The following FHIT variants were observed in gnomAD, a reference collection of about 807,000 sequenced individuals.
FHIT encodes the protein bis(5'-adenosyl)-triphosphatase.
In FHIT, 19 loss-of-function variants were observed where a neutral mutation model predicts 17.9. That is an observed-to-expected ratio of 1.06 (90% CI 0.74 to 1.56). The LOEUF (loss-of-function observed/expected upper bound fraction) is 1.56, where lower values mean the gene tolerates loss of function less well. Ranked by LOEUF, FHIT falls within the 40% of genes most tolerant of loss-of-function variation. The pLI is 0.00. For missense variants in FHIT, 248 were observed against 189.2 expected, an observed-to-expected ratio of 1.31 and a Z score of -1.82; for synonymous variants, 81 against 69.7, an observed-to-expected ratio of 1.16 and a Z score of -0.81.
chr3:60,190,810 G>A (rs571176508), intron 5 of FHIT, among the ~76,000 whole-genome samples: 82 of 152,230 alleles, frequency 5.4e-4, no homozygotes, highest in African/African-American at 1.9e-3. Context: ...GGGCATGGTA[G>A]TGCACACGTG....
chr3:60,582,492 C>A (rs954538802), intron 4 of FHIT, among the ~76,000 whole-genome samples: 1 of 152,056 alleles, frequency 6.6e-6, no homozygotes, highest in South Asian at 2.1e-4. Context: ...CACTGGAGGG[C>A]AGTCTCCTCT....
At chr3:61,096,617 G>T (rs2035647310) in intron 2 of FHIT, among the ~76,000 whole-genome samples, 1 of 152,166 alleles carries the variant, frequency 6.6e-6, no homozygotes, top group South Asian at 2.1e-4. Context: ...TGTGGAGGAA[G>T]CCTGGGCTGC....
chr3:60,247,954 G>A (rs1426176032), intron 5 of FHIT, among the ~76,000 whole-genome samples: 2 of 152,060 alleles, frequency 1.3e-5, no homozygotes, highest in Non-Finnish European at 1.5e-5. Flanking sequence ...TTTTTAAATC[G>A]ATAAGCACAT....
chr3:60,094,134 C>T (rs1389807350), intron 5 of FHIT, among the ~76,000 whole-genome samples: 1 of 152,102 alleles, frequency 6.6e-6, no homozygotes, highest in Non-Finnish European at 1.5e-5. Context: ...AGTGAAGTTT[C>T]TAAGAGAATC....
At chr3:59,949,273 T>G (rs1461863213) in intron 7 of FHIT, among the ~76,000 whole-genome samples, 1 of 152,248 alleles carries the variant, frequency 6.6e-6, no homozygotes, top group Non-Finnish European at 1.5e-5. Flanking sequence ...TTTACAAATT[T>G]TCACATAGGA....
intron 4 of FHIT, among the ~76,000 whole-genome samples, chr3:60,558,370 T>A (rs1336304574): frequency 6.6e-6 from 1 of 151,682 alleles, no homozygotes; most frequent in Non-Finnish European, 1.5e-5. Flanking sequence ...ATGCCTGAAG[T>A]AGGGTTGCTC....
intron 8 of FHIT, among the ~76,000 whole-genome samples, chr3:59,761,312 G>T (rs1174144403): frequency 6.6e-6 from 1 of 152,134 alleles, no homozygotes; most frequent in African/African-American, 2.4e-5. Flanking sequence ...ACATTGCCCA[G>T]TCAGAGTAAC....
intron 8 of FHIT, among the ~76,000 whole-genome samples, chr3:59,916,226 G>C (rs1388131495): frequency 2.6e-5 from 4 of 152,158 alleles, no homozygotes; most frequent in African/African-American, 9.6e-5. Context: ...TCTTTCCCCT[G>C]TGCTGGATTC....
intron 5 of FHIT, among the ~76,000 whole-genome samples, chr3:60,447,139 G>T (rs759950328): frequency 3.3e-5 from 5 of 151,912 alleles, no homozygotes; most frequent in Admixed American, 3.3e-4. Context: ...GTGGACTCCC[G>T]GCTCAGCACT....
chr3:60,525,637 A>G (rs1395639782), intron 5 of FHIT, among the ~76,000 whole-genome samples: 6 of 152,116 alleles, frequency 3.9e-5, no homozygotes, highest in Non-Finnish European at 8.8e-5. Context: ...ATAATTGTAA[A>G]TCTCTCCATT....
chr3:61,063,334 T>G lies in FHIT; in HGVS notation c.-163-21235A>C, dbSNP rs549589362. 6.0e-4 allele frequency among the ~76,000 whole-genome samples: 91 copies of G among 152,174 alleles called. 1 individual carries two copies. The highest frequency in any genetic ancestry group is 2.1e-3 in the African/African-American group (87 of 41,530). ...CACATCGGGTAGGTTCCATTATTATTTAATTCTGCAGATGTGAATACAAGG... is the reference window on the plus strand; with the variant it reads ...CACATCGGGTAGGTTCCATTATTATGTAATTCTGCAGATGTGAATACAAGG... On this transcript the variant is annotated intron_variant, in intron 2 of 9. Transcript: ENST00000492590.
At chr3:60,088,220 AC>A (rs1435316298) in intron 5 of FHIT, among the ~76,000 whole-genome samples, 6 of 151,668 alleles carry the variant, frequency 4.0e-5, no homozygotes, top group African/African-American at 1.5e-4. Context: ...TCTATTCATG[AC>A]GGATCTGCCT....
intron 4 of FHIT, among the ~76,000 whole-genome samples, chr3:60,576,565 A>T (rs2037572009): frequency 6.6e-6 from 1 of 152,200 alleles, no homozygotes; most frequent in Admixed American, 6.6e-5. Flanking sequence ...TTGTTTCGAA[A>T]GGTCTGTGGT....
At chr3:60,087,140 G>A (rs948466220) in intron 5 of FHIT, among the ~76,000 whole-genome samples, 1 of 152,188 alleles carries the variant, frequency 6.6e-6, no homozygotes, top group Non-Finnish European at 1.5e-5. Flanking sequence ...AGCTATATCT[G>A]GGGCCATTTG....
intron 3 of FHIT, among the ~76,000 whole-genome samples, chr3:60,865,314 C>T (rs150023270): frequency 2.5e-3 from 384 of 152,222 alleles, no homozygotes; most frequent in Non-Finnish European, 4.1e-3. Flanking sequence ...TTTATTTTCT[C>T]AGTCCCATTA....
chr3:60,229,979 C>T (rs1704413179), intron 5 of FHIT, among the ~76,000 whole-genome samples: 1 of 152,204 alleles, frequency 6.6e-6, no homozygotes. Context: ...AAGACCCTAT[C>T]TCTAAAAAAG....
intron 5 of FHIT, among the ~76,000 whole-genome samples, chr3:60,042,630 C>G (rs2106839273): frequency 1.3e-5 from 2 of 152,164 alleles, no homozygotes. Flanking sequence ...TGCACTAGGG[C>G]CCACCCCAGT....
intron 4 of FHIT, among the ~76,000 whole-genome samples, chr3:60,589,619 A>G (rs1576932052): frequency 1.3e-5 from 2 of 151,994 alleles, no homozygotes; most frequent in Non-Finnish European, 2.9e-5. Flanking sequence ...TATTTTTAAG[A>G]TAACTCTGTG....
At chr3:60,789,090 G>C (rs1700681893) in intron 4 of FHIT, among the ~76,000 whole-genome samples, 1 of 150,202 alleles carries the variant, frequency 6.7e-6, no homozygotes, top group Admixed American at 6.7e-5. Context: ...TAGAGAGAGA[G>C]ATGAGAGTTG....
Sources: allele counts gnomAD v4.1 joint callset (sites outside exome capture counted in the v4.1 genomes callset), GRCh38; gene constraint gnomAD v4.1.1; transcripts MANE v1.5; gene names NCBI Gene and HGNC (gene_info 2026-07-23, HGNC 2026-07-21).